DEPDC1B: variants seen among roughly 807,000 people sequenced by gnomAD.
DEPDC1B encodes DEP domain containing 1B.
In DEPDC1B, 51 loss-of-function variants were observed where a neutral mutation model predicts 66.5. The observed-to-expected ratio is 0.77, with a 90% CI of 0.61 to 0.97. The LOEUF (loss-of-function observed/expected upper bound fraction) is 0.97. Ranked by LOEUF, DEPDC1B falls within the 50% of genes least tolerant of loss-of-function variation. The pLI is 0.00. For missense variants in DEPDC1B, 552 were observed against 637.1 expected, an observed-to-expected ratio of 0.87 and a Z score of 1.44; for synonymous variants, 226 against 223.6, an observed-to-expected ratio of 1.01 and a Z score of -0.10.
intron 1 of DEPDC1B, among the ~76,000 whole-genome samples, chr5:60,691,902 T>C (rs149277270): frequency 1.9e-3 from 287 of 152,252 alleles, no homozygotes; most frequent in African/African-American, 6.5e-3. Flanking sequence ...TCATTTACTA[T>C]TTACAAGAGC....
intron 2 of DEPDC1B, among the ~76,000 whole-genome samples, chr5:60,681,526 C>G (rs1259900760): frequency 6.6e-6 from 1 of 152,164 alleles, no homozygotes; most frequent in Non-Finnish European, 1.5e-5. Flanking sequence ...AAAAGCCAAT[C>G]CATAAAACTA....
intron 2 of DEPDC1B, among the ~76,000 whole-genome samples, chr5:60,665,493 G>C (rs552039340): frequency 6.6e-6 from 1 of 152,298 alleles, no homozygotes; most frequent in African/African-American, 2.4e-5. Flanking sequence ...TGGAGCCCCA[G>C]ATGCAGTCCA....
chr5:60,604,908 C>T (rs925258458), intron 8 of DEPDC1B, among the ~76,000 whole-genome samples: 7 of 152,160 alleles, frequency 4.6e-5, no homozygotes, highest in African/African-American at 1.4e-4. Context: ...TCCTACTGGG[C>T]ACTAAGTGCT....
At chr5:60,603,114 CA>C (rs1342352025) in intron 9 of DEPDC1B, among the ~76,000 whole-genome samples, 10 of 152,166 alleles carry the variant, frequency 6.6e-5, no homozygotes, top group African/African-American at 1.9e-4. Flanking sequence ...TCATTTCCAT[CA>C]GTAGGTGTAT....
intron 7 of DEPDC1B, among the ~76,000 whole-genome samples, chr5:60,611,693 C>G (rs977016401): frequency 3.3e-5 from 5 of 152,160 alleles, no homozygotes; most frequent in African/African-American, 1.2e-4. Context: ...TAAGCCCCAC[C>G]CTAACCTAGA....
intron 1 of DEPDC1B, 37 bp downstream of exon 1, chr5:60,700,009 C>T (rs1187433794): frequency 1.3e-6 from 2 of 1,547,228 alleles, no homozygotes; most frequent in South Asian, 1.2e-5. Context: ...GCTCGCGGCA[C>T]CGGGTGCTCC....
chr5:60,659,273 C>T (rs1426548644), intron 2 of DEPDC1B, among the ~76,000 whole-genome samples: 1 of 152,142 alleles, frequency 6.6e-6, no homozygotes, highest in Non-Finnish European at 1.5e-5. Flanking sequence ...ACCCCCTCCA[C>T]CCCCCGTAAC....
At chr5:60,602,700 G>A (rs952736010) in intron 9 of DEPDC1B, among the ~76,000 whole-genome samples, 1 of 152,134 alleles carries the variant, frequency 6.6e-6, no homozygotes, top group African/African-American at 2.4e-5. Flanking sequence ...ACATATGTCA[G>A]AAATTCATCC....
rs779634830 is a variant in DEPDC1B, at chr5:60,645,443, A to G, written c.578+49T>C. On this transcript the variant is annotated intron_variant, in intron 4 of 10. Coordinates refer to ENST00000265036, the MANE Select transcript of DEPDC1B (RefSeq NM_018369.3). ...ATGCAGAGAGTGAAGAAGTAGCAAAATAGGAAACAATATCTCTAAAATTTC... is the reference window on the plus strand; with the variant it reads ...ATGCAGAGAGTGAAGAAGTAGCAAAGTAGGAAACAATATCTCTAAAATTTC... The G allele has an allele frequency of 4.6e-6, 7 of 1,507,758 alleles. No individual in the cohort carries two copies. The South Asian group carries it at 9.4e-5, about 20-fold the overall frequency. The allele number at this position is 1,507,758 out of a possible 1,614,324, so 93.4% of individuals were successfully genotyped here.
At chr5:60,665,053 A>C (rs1753806710) in intron 2 of DEPDC1B, among the ~76,000 whole-genome samples, 1 of 152,122 alleles carries the variant, frequency 6.6e-6, no homozygotes, top group African/African-American at 2.4e-5. Context: ...GCAAGGTGGG[A>C]CCCTCCATTA....
chr5:60,604,672 A>AT (rs1256356830), intron 8 of DEPDC1B, among the ~76,000 whole-genome samples: 6 of 152,140 alleles, frequency 3.9e-5, no homozygotes, highest in Admixed American at 1.3e-4. Flanking sequence ...CACACTGCAA[A>AT]TGATCTTCAC....
intron 2 of DEPDC1B, among the ~76,000 whole-genome samples, chr5:60,661,291 G>T (rs1344825133): frequency 2.0e-5 from 3 of 152,144 alleles, no homozygotes; most frequent in Admixed American, 6.5e-5. Context: ...AGGAAAAGGG[G>T]TGCAGGACTG....
chr5:60,683,098 C>G (rs933913382), intron 2 of DEPDC1B, among the ~76,000 whole-genome samples: 2 of 152,094 alleles, frequency 1.3e-5, no homozygotes, highest in African/African-American at 4.8e-5. Context: ...ATACAATAAT[C>G]ACATGGGATA....
At chr5:60,657,695 T>C (rs1753609659) in intron 2 of DEPDC1B, among the ~76,000 whole-genome samples, 1 of 152,224 alleles carries the variant, frequency 6.6e-6, no homozygotes, top group Admixed American at 6.5e-5. Flanking sequence ...GTAGGTTACC[T>C]GGTGCTTTTG....
intron 2 of DEPDC1B, among the ~76,000 whole-genome samples, chr5:60,656,710 G>C (rs1375618608): frequency 6.6e-6 from 1 of 152,208 alleles, no homozygotes; most frequent in Admixed American, 6.5e-5. Context: ...GAGCAAACAA[G>C]AGCAGAGAAA....
At position 60,605,565 on chromosome 5, in the gene DEPDC1B, G is replaced by A. The variant is rs1054814875; in HGVS notation, c.1065+125C>T. Reference sequence around the variant, plus strand: ...CAAAAGCACGACACAAGTCTGGGTGGACACTGACTGTGGCTCTTTTAAGCA... The same window carrying A: ...CAAAAGCACGACACAAGTCTGGGTGAACACTGACTGTGGCTCTTTTAAGCA... On this transcript the variant is annotated intron_variant, in intron 8 of 10. Transcript: ENST00000265036. 8.9e-5 allele frequency: 89 copies of A among 1,001,510 alleles called. 2 individuals carry two copies. The highest frequency in any genetic ancestry group is 8.1e-5 in the Non-Finnish European group (57 of 703,954). 62.0% of individuals were successfully genotyped at this position (1,001,510 alleles called of 1,614,324 possible).
chr5:60,696,049 G>A (rs1349109437), intron 1 of DEPDC1B, among the ~76,000 whole-genome samples: 3 of 152,070 alleles, frequency 2.0e-5, no homozygotes, highest in Admixed American at 6.5e-5. Context: ...CACCCGCCTC[G>A]GCCTCCCAAA....
At chr5:60,639,836 G>C (rs1753147624) in intron 6 of DEPDC1B, among the ~76,000 whole-genome samples, 1 of 152,138 alleles carries the variant, frequency 6.6e-6, no homozygotes, top group Admixed American at 6.6e-5. Context: ...TGGAAGAAAG[G>C]ACCACATCCT....
At chr5:60,687,250 C>T in intron 1 of DEPDC1B, 23 bp from the exon 2 acceptor site, 1 of 1,580,888 alleles carries the variant, frequency 6.3e-7, no homozygotes, top group Non-Finnish European at 8.6e-7. Context: ...AAGAGAATGG[C>T]ATTTAGTAAT....
Sources: gnomAD v4.1 joint callset for allele counts (sites outside exome capture counted in the v4.1 genomes callset) on GRCh38, gnomAD v4.1.1 for gene constraint, MANE v1.5 for transcripts, NCBI Gene and HGNC (gene_info 2026-07-23, HGNC 2026-07-21) for gene names.